The following CLVS1 variants were observed in gnomAD, a reference collection of about 807,000 sequenced individuals.
CLVS1 encodes the protein clavesin-1.
Under a neutral mutation model 33.1 loss-of-function variants are expected in CLVS1, and 10 were observed. That is an observed-to-expected ratio of 0.30 (90% CI 0.19 to 0.51). The LOEUF is 0.51. CLVS1 is among the 20% of genes least tolerant of loss of function. The pLI, the probability that CLVS1 is intolerant of heterozygous loss-of-function variation, is 0.97. For synonymous variants in CLVS1, 163 were observed against 166.1 expected (o/e 0.98, Z 0.14); for missense variants, 343 against 433.4 (o/e 0.79, Z 1.85).
intron 3 of CLVS1, among the ~76,000 whole-genome samples, chr8:61,399,582 T>C (rs1326348348): frequency 1.3e-5 from 2 of 152,250 alleles, no homozygotes; most frequent in African/African-American, 4.8e-5. Flanking sequence ...CAATTGCATC[T>C]GGCATTTTCA....
At chr8:61,070,398 G>A (rs1469722599) in intron 1 of CLVS1, among the ~76,000 whole-genome samples, 1 of 152,128 alleles carries the variant, frequency 6.6e-6, no homozygotes, top group Non-Finnish European at 1.5e-5. Flanking sequence ...TATCCTTTTT[G>A]TTTTATTGCC....
the CLVS1 span, among the ~76,000 whole-genome samples, chr8:61,024,440 G>C: frequency 4.6e-5 from 7 of 152,210 alleles, no homozygotes; most frequent in African/African-American, 1.7e-4. Flanking sequence ...CTTCAGTAAA[G>C]TTCCATGAGT....
intron 2 of CLVS1, among the ~76,000 whole-genome samples, chr8:61,154,457 A>G (rs1405120345): frequency 6.6e-6 from 1 of 152,138 alleles, no homozygotes; most frequent in African/African-American, 2.4e-5. Flanking sequence ...CCATTTTTTG[A>G]TAGGGAGTGG....
At chr8:61,032,957 G>A in the CLVS1 span, among the ~76,000 whole-genome samples, 1 of 105,972 alleles carries the variant, frequency 9.4e-6, no homozygotes, top group African/African-American at 3.8e-5. Flanking sequence ...CCTGTCAAAA[G>A]AAACAAGGAA....
intron 1 of CLVS1, among the ~76,000 whole-genome samples, chr8:61,130,593 T>A (rs1215497969): frequency 6.6e-6 from 1 of 152,230 alleles, no homozygotes; most frequent in Non-Finnish European, 1.5e-5. Flanking sequence ...TAGAATAACA[T>A]TTGTTTTGCT....
At chr8:61,393,640 T>G (rs958551054) in intron 3 of CLVS1, among the ~76,000 whole-genome samples, 1 of 152,164 alleles carries the variant, frequency 6.6e-6, no homozygotes, top group Non-Finnish European at 1.5e-5. Flanking sequence ...GGGATGGGGC[T>G]TCCTGAGAGC....
At chr8:61,376,070 A>G (rs1468924517) in intron 2 of CLVS1, among the ~76,000 whole-genome samples, 1 of 152,228 alleles carries the variant, frequency 6.6e-6, no homozygotes. Context: ...CAAGAGTTGA[A>G]GCTAAAAAAT....
the CLVS1 span, among the ~76,000 whole-genome samples, chr8:61,046,360 G>C: frequency 6.9e-6 from 1 of 144,488 alleles, no homozygotes; most frequent in Middle Eastern, 3.5e-3. Context: ...CTCTGTTTTG[G>C]TACCAGTACC....
At chr8:60,999,647 A>G in the CLVS1 span, among the ~76,000 whole-genome samples, 6 of 152,246 alleles carry the variant, frequency 3.9e-5, no homozygotes, top group Non-Finnish European at 5.9e-5. Flanking sequence ...AGTAAGCAGT[A>G]TAAAACAGAA....
upstream of CLVS1, among the ~76,000 whole-genome samples, chr8:61,053,077 G>A (rs554567534): frequency 3.3e-5 from 5 of 152,164 alleles, no homozygotes; most frequent in Non-Finnish European, 7.3e-5. Context: ...CTTGGCCTGA[G>A]CAACTGCAGG....
chr8:61,192,513 T>C (rs959171430), intron 2 of CLVS1, among the ~76,000 whole-genome samples: 1 of 152,012 alleles, frequency 6.6e-6, no homozygotes, highest in Admixed American at 6.6e-5. Context: ...CAAAAGCTAA[T>C]ATTGTCAAAT....
chr8:61,393,360 T>G (rs1049061603), intron 3 of CLVS1, among the ~76,000 whole-genome samples: 1 of 152,196 alleles, frequency 6.6e-6, no homozygotes, highest in African/African-American at 2.4e-5. Context: ...TCTGGTACCT[T>G]CTTGAGTAGC....
At chr8:61,056,296 T>A (rs1282563379), upstream of CLVS1, among the ~76,000 whole-genome samples, 6 of 152,232 alleles carry the variant, frequency 3.9e-5, no homozygotes, top group Non-Finnish European at 8.8e-5. Context: ...TAAATTTGGT[T>A]AATTTCCCCT....
chr8:61,297,943 A>T (rs1447631217), intron 1 of CLVS1, among the ~76,000 whole-genome samples: 1 of 152,198 alleles, frequency 6.6e-6, no homozygotes, highest in Non-Finnish European at 1.5e-5. Context: ...GGATGTAGTA[A>T]CAAAAATGAT....
intron 3 of CLVS1, among the ~76,000 whole-genome samples, chr8:61,415,179 C>G (rs1445782043): frequency 2.0e-5 from 3 of 152,246 alleles, no homozygotes; most frequent in Non-Finnish European, 4.4e-5. Context: ...TCTCTACTCT[C>G]ACAGGCTTCG....
chr8:61,052,306 TA>T (rs1351114229), upstream of CLVS1, among the ~76,000 whole-genome samples: 1 of 152,026 alleles, frequency 6.6e-6, no homozygotes, highest in Admixed American at 6.5e-5. Context: ...ACTAACTAAA[TA>T]AGTAAAACGA....
the CLVS1 span, among the ~76,000 whole-genome samples, chr8:61,028,141 C>A: frequency 3.9e-5 from 6 of 152,116 alleles, no homozygotes; most frequent in South Asian, 4.1e-4. Context: ...GATAAGGACA[C>A]TGAGGTATTG....
intron 1 of CLVS1, among the ~76,000 whole-genome samples, chr8:61,296,874 C>T (rs1026268087): frequency 1.3e-5 from 2 of 152,154 alleles, no homozygotes; most frequent in African/African-American, 2.4e-5. Context: ...CAGGGATACA[C>T]AGATGAATTA....
intron 2 of CLVS1, among the ~76,000 whole-genome samples, chr8:61,307,426 C>T (rs1220336576): frequency 6.6e-6 from 1 of 151,960 alleles, no homozygotes; most frequent in Non-Finnish European, 1.5e-5. Flanking sequence ...GGTTCTTTCT[C>T]CCCAGAATAC....
Sources: allele counts gnomAD v4.1 joint callset (sites outside exome capture counted in the v4.1 genomes callset), GRCh38; gene constraint gnomAD v4.1.1; transcripts MANE v1.5; gene names NCBI Gene and HGNC (gene_info 2026-07-23, HGNC 2026-07-21).